TMEM132C: variants seen among roughly 807,000 people sequenced by gnomAD.
TMEM132C encodes transmembrane protein 132C, also known as protein phosphatase 1, regulatory subunit 152.
Under a neutral mutation model 61.4 loss-of-function variants are expected in TMEM132C, and 29 were observed. The ratio of observed to expected loss-of-function variants is 0.47; its 90% CI spans 0.35 to 0.64. The LOEUF is 0.64. Among genes scored for constraint, TMEM132C ranks in the 30% least tolerant of loss-of-function variants. TMEM132C has a pLI of 0.00. For missense variants in TMEM132C, 1,408 were observed against 1,476.9 expected, an observed-to-expected ratio of 0.95 and a Z score of 0.76; for synonymous variants, 656 against 633.1, an observed-to-expected ratio of 1.04 and a Z score of -0.54.
chr12:128,452,220 G>A (rs950149578), intron 2 of TMEM132C, among the ~76,000 whole-genome samples: 8 of 151,734 alleles, frequency 5.3e-5, no homozygotes, highest in East Asian at 2.0e-4. Flanking sequence ...TCAGGCTCCC[G>A]AGTAATAGCT....
At chr12:128,410,197 TA>T (rs1390475394) in intron 1 of TMEM132C, among the ~76,000 whole-genome samples, 1 of 152,128 alleles carries the variant, frequency 6.6e-6, no homozygotes, top group East Asian at 1.9e-4. Context: ...GTTGGAGTCT[TA>T]AAGAAGAGTT....
chr12:128,600,251 G>C (rs1471365302), intron 3 of TMEM132C, among the ~76,000 whole-genome samples: 6 of 152,086 alleles, frequency 3.9e-5, no homozygotes, highest in Non-Finnish European at 8.8e-5. Flanking sequence ...CAAAGTGCTG[G>C]TATTACAGGT....
chr12:128,478,624 C>T (rs992815116), intron 2 of TMEM132C, among the ~76,000 whole-genome samples: 3 of 152,196 alleles, frequency 2.0e-5, no homozygotes, highest in African/African-American at 4.8e-5. Flanking sequence ...TAAGATGACA[C>T]CTGTCCCATC....
At chr12:128,420,036 TA>T (rs1159517850) in intron 2 of TMEM132C, among the ~76,000 whole-genome samples, 36 of 149,062 alleles carry the variant, frequency 2.4e-4, no homozygotes, top group East Asian at 1.8e-3. Context: ...CTACTAAAAA[TA>T]AAAAAAAAAA....
At chr12:128,479,174 C>T (rs891207113) in intron 2 of TMEM132C, among the ~76,000 whole-genome samples, 2 of 152,110 alleles carry the variant, frequency 1.3e-5, no homozygotes, top group Middle Eastern at 3.2e-3. Context: ...TGAGAACATA[C>T]CTAGAGGGGA....
At chr12:128,364,571 C>T (rs974430099) in intron 1 of TMEM132C, among the ~76,000 whole-genome samples, 9 of 152,314 alleles carry the variant, frequency 5.9e-5, no homozygotes, top group African/African-American at 2.2e-4. Flanking sequence ...CCATCCTTCT[C>T]ACTCTCCCTT....
chr12:128,629,753 G>A (rs1235810283), intron 4 of TMEM132C, among the ~76,000 whole-genome samples: 1 of 152,144 alleles, frequency 6.6e-6, no homozygotes, highest in Non-Finnish European at 1.5e-5. Flanking sequence ...GGATCACGAG[G>A]TCAGGGGTTT....
intron 3 of TMEM132C, among the ~76,000 whole-genome samples, chr12:128,580,863 C>T (rs1875308487): frequency 6.6e-6 from 1 of 152,136 alleles, no homozygotes; most frequent in South Asian, 2.1e-4. Flanking sequence ...ACACTTTAGG[C>T]CAGTAATTCT....
At chr12:128,362,787 A>C (rs1291919524) in intron 1 of TMEM132C, among the ~76,000 whole-genome samples, 1 of 152,230 alleles carries the variant, frequency 6.6e-6, no homozygotes, top group Non-Finnish European at 1.5e-5. Context: ...AATGCAAAAC[A>C]GTGCAGTGTT....
At chr12:128,289,158 T>TGATA (rs1043937514) in intron 1 of TMEM132C, 1 of 18,706 alleles carries the variant, frequency 5.3e-5, no homozygotes, top group Non-Finnish European at 3.1e-4. Context: ...ACATGCACGC[T>TGATA]CATACGCATG....
intron 4 of TMEM132C, among the ~76,000 whole-genome samples, chr12:128,641,146 C>A (rs1954154950): frequency 6.6e-6 from 1 of 152,150 alleles, no homozygotes; most frequent in Non-Finnish European, 1.5e-5. Context: ...ACGGTGCCCC[C>A]TTCACACAAC....
intron 1 of TMEM132C, among the ~76,000 whole-genome samples, chr12:128,363,328 A>G (rs1411047248): frequency 1.3e-5 from 2 of 152,240 alleles, no homozygotes; most frequent in African/African-American, 2.4e-5. Flanking sequence ...CGACTTAACA[A>G]TGACATTTTA....
intron 4 of TMEM132C, among the ~76,000 whole-genome samples, chr12:128,637,835 G>A (rs1042716385): frequency 6.6e-6 from 1 of 152,198 alleles, no homozygotes; most frequent in Non-Finnish European, 1.5e-5. Flanking sequence ...GAACTTTGCT[G>A]AGTTCAACTG....
At chr12:128,658,295 G>A (rs985971113) in intron 4 of TMEM132C, among the ~76,000 whole-genome samples, 2 of 152,218 alleles carry the variant, frequency 1.3e-5, no homozygotes, top group Middle Eastern at 3.2e-3. Context: ...AAGCCACGAT[G>A]GTCGCTGCCC....
chr12:128,419,764 C>T (rs1173107465), intron 2 of TMEM132C, among the ~76,000 whole-genome samples: 2 of 152,098 alleles, frequency 1.3e-5, no homozygotes, highest in Non-Finnish European at 1.5e-5. Flanking sequence ...TCTTTTCATT[C>T]ACTTGGTAAA....
chr12:128,523,955 G>C (rs1452867647), intron 2 of TMEM132C, among the ~76,000 whole-genome samples: 1 of 151,216 alleles, frequency 6.6e-6, no homozygotes, highest in Admixed American at 6.6e-5. Flanking sequence ...CAAGGCTGCA[G>C]TGAGCCAGGA....
chr12:128,312,150 G>T (rs1390555731), intron 1 of TMEM132C, among the ~76,000 whole-genome samples: 3 of 152,166 alleles, frequency 2.0e-5, no homozygotes, highest in Non-Finnish European at 4.4e-5. Flanking sequence ...CCTTCTGTGG[G>T]TGTGAATATT....
At chr12:128,405,046 G>A (rs980440260) in intron 1 of TMEM132C, among the ~76,000 whole-genome samples, 12 of 146,638 alleles carry the variant, frequency 8.2e-5, no homozygotes, top group Admixed American at 2.8e-4. Context: ...TCCCGTGGCC[G>A]TAGGAAACCA....
chr12:128,268,039 C>T (rs2135884701), intron 1 of TMEM132C, among the ~76,000 whole-genome samples: 1 of 152,320 alleles, frequency 6.6e-6, no homozygotes, highest in East Asian at 1.9e-4. Context: ...GCTCACTCAT[C>T]GCGCAGCTCA....
Sources: allele counts gnomAD v4.1 joint callset (sites outside exome capture counted in the v4.1 genomes callset), GRCh38; gene constraint gnomAD v4.1.1; transcripts MANE v1.5; gene names NCBI Gene and HGNC (gene_info 2026-07-23, HGNC 2026-07-21).